Variants in SPAG11A observed in about 807,000 individuals in gnomAD.
SPAG11A encodes sperm-associated antigen 11A.
Under a neutral mutation model 5.5 loss-of-function variants are expected in SPAG11A, and 2 were observed. That is an observed-to-expected ratio of 0.37 (90% CI 0.15 to 1.15). The LOEUF is 1.15. SPAG11A is among the 50% of genes most tolerant of loss of function. SPAG11A has a pLI of 0.38. For missense variants in SPAG11A, 24 were observed against 122.5 expected (o/e 0.20, Z 3.80); for synonymous variants, 11 against 42.7 (o/e 0.26, Z 2.90).
intron 2 of SPAG11A, among the ~76,000 whole-genome samples, chr8:7,860,067 C>T (rs1190670400): frequency 6.6e-5 from 10 of 150,636 alleles, no homozygotes; most frequent in South Asian, 6.4e-4. Context: ...AGTCATCGTA[C>T]GTAGCATTTG....
rs202242784 is a variant in SPAG11A, at chr8:7,854,464, T to C, written c.214+5621T>C. 1.0e-3 allele frequency among the ~76,000 whole-genome samples: 155 copies of C among 148,082 alleles called. 4 individuals carry two copies. Among genetic ancestry groups the C allele is most frequent in the African/African-American group, 3.5e-3 (144 of 40,660 alleles). On this transcript the variant is annotated intron_variant, in intron 2 of 2. Transcript: ENST00000642566. ...ATAAAAATTTTATAAAAAGATGATA[T>C]GACATTTAAAGCATGTTACCCAGGG...
At chr8:7,852,854 C>CTTT (rs1274865147) in intron 2 of SPAG11A, among the ~76,000 whole-genome samples, 8 of 51,948 alleles carry the variant, frequency 1.5e-4, no homozygotes, top group African/African-American at 2.2e-4. Flanking sequence ...TAGAGCCCTT[C>CTTT]TATTTTTTTT....
intron 2 of SPAG11A, among the ~76,000 whole-genome samples, chr8:7,852,063 T>C (rs1052462298): frequency 7.7e-6 from 1 of 129,382 alleles, no homozygotes; most frequent in Non-Finnish European, 1.7e-5. Flanking sequence ...ATTTTCTCAG[T>C]TGCTTGATGT....
rs775206435 is a variant in SPAG11A, at chr8:7,860,606, A to G, written c.215-40A>G. The G allele has an allele frequency of 1.4e-6, 2 of 1,403,112 alleles. 1 individual carries two copies. Among genetic ancestry groups the G allele is most frequent in the East Asian group, 6.4e-5 (2 of 31,090 alleles). 86.9% of individuals were successfully genotyped at this position (1,403,112 alleles called of 1,614,324 possible). On this transcript the variant is annotated intron_variant, in intron 2 of 2. Transcript: ENST00000642566. ...GGGTTCATCTTCTATTCTCTGCACT[A>G]TATGAGTTAAATGTCAACTCTCTTC...
downstream of SPAG11A, among the ~76,000 whole-genome samples, chr8:7,861,511 A>G (rs1384901682): frequency 6.9e-6 from 1 of 145,600 alleles, no homozygotes. Context: ...TAAAAAACAT[A>G]TTTCTGTGCA....
chr8:7,863,036 C>G (rs1444466583), downstream of SPAG11A, among the ~76,000 whole-genome samples: 9 of 31,046 alleles, frequency 2.9e-4, no homozygotes, highest in African/African-American at 5.2e-4. Flanking sequence ...CATCCCTGTC[C>G]CCATCTGTAA....
At chr8:7,863,608 G>A, downstream of SPAG11A, 2 of 1,597,824 alleles carry the variant, frequency 1.3e-6, no homozygotes, top group East Asian at 2.3e-5. Flanking sequence ...AGGTGGATCG[G>A]CTTCAGAGGC....
intron 2 of SPAG11A, among the ~76,000 whole-genome samples, chr8:7,852,188 A>G (rs1261441161): frequency 6.6e-6 from 1 of 150,990 alleles, no homozygotes; most frequent in African/African-American, 2.4e-5. Flanking sequence ...TTAGTCCACC[A>G]TCTTGCAGAT....
chr8:7,862,221 G>C (rs534339046), downstream of SPAG11A: 1 of 237,850 alleles, frequency 4.2e-6, no homozygotes, highest in African/African-American at 3.0e-5. Flanking sequence ...AGGGCCACTG[G>C]GGGGCTGGAG....
intron 2 of SPAG11A, among the ~76,000 whole-genome samples, chr8:7,849,418 A>AC (rs1157415217): frequency 3.1e-5 from 4 of 129,340 alleles, no homozygotes; most frequent in Non-Finnish European, 5.0e-5. Context: ...CAGCCCCCAA[A>AC]CCCCTGGGCA....
intron 2 of SPAG11A, chr8:7,860,443 C>A: frequency 2.1e-6 from 3 of 1,419,250 alleles, no homozygotes; most frequent in Non-Finnish European, 2.9e-6. Flanking sequence ...ATAAAACACA[C>A]CCTATCATCC....
chr8:7,852,245 T>G (rs550582088), intron 2 of SPAG11A, among the ~76,000 whole-genome samples: 141 of 151,966 alleles, frequency 9.3e-4, no homozygotes, highest in African/African-American at 3.4e-3. Context: ...GCGTTTTTTC[T>G]TTTGTTTATT....
chr8:7,863,773 A>C (rs1372054249), downstream of SPAG11A: 1 of 589,856 alleles, frequency 1.7e-6, no homozygotes, highest in African/African-American at 1.9e-5. Flanking sequence ...GAGGACAAAT[A>C]AAAGTAGTGA....
rs1250655081 is a variant in SPAG11A at position 7,860,624 on chromosome 8, C to T, written c.215-22C>T. ...CTGCACTATATGAGTTAAATGTCAA[C>T]TCTCTTCTGTTGTATCCATAGGGGA... On this transcript the variant is annotated intron_variant, in intron 2 of 2. Coordinates refer to ENST00000642566, the Ensembl canonical transcript of SPAG11A. 39 of 1,414,734 alleles carry T rather than the reference C, an allele frequency of 2.8e-5. 4 individuals carry two copies. Among genetic ancestry groups the T allele is most frequent in the Non-Finnish European group, 3.5e-5 (37 of 1,046,828 alleles). The allele number at this position is 1,414,734 out of a possible 1,614,324, so 87.6% of individuals were successfully genotyped here. A position where few individuals can be genotyped will look rare whatever the true frequency, so the allele number is the denominator to read the frequency against.
chr8:7,861,384 T>C (rs201270336), downstream of SPAG11A, among the ~76,000 whole-genome samples: 167 of 147,500 alleles, frequency 1.1e-3, 4 homozygotes, highest in East Asian at 0.03. Flanking sequence ...AGGTCCATTT[T>C]AGGAATGAAA....
At chr8:7,852,561 G>T (rs540236628) in intron 2 of SPAG11A, among the ~76,000 whole-genome samples, 1 of 149,542 alleles carries the variant, frequency 6.7e-6, no homozygotes. Flanking sequence ...TCAAACTCCC[G>T]ACCTCAGGTG....
chr8:7,852,628 C>G (rs1304086335), intron 2 of SPAG11A, among the ~76,000 whole-genome samples: 1 of 152,116 alleles, frequency 6.6e-6, no homozygotes, highest in African/African-American at 2.4e-5. Context: ...CCACCGCGCC[C>G]GGCCAGGTTA....
downstream of SPAG11A, among the ~76,000 whole-genome samples, chr8:7,861,573 C>T (rs1327472715): frequency 1.1e-4 from 16 of 143,304 alleles, no homozygotes; most frequent in Non-Finnish European, 4.6e-5. Flanking sequence ...TGCTTAGCTG[C>T]CTTTTGCCTT....
chr8:7,860,639 T>C lies in SPAG11A; in HGVS notation c.215-7T>C, dbSNP rs1241346689. On this transcript the variant is annotated splice_region_variant and splice_polypyrimidine_tract_variant and intron_variant, in intron 2 of 2. Transcript: ENST00000642566. ...TAAATGTCAACTCTCTTCTGTTGTA[T>C]CCATAGGGGATGTTCCACTGGGAAT... 1 of 1,433,824 alleles carries C rather than the reference T, an allele frequency of 7.0e-7. No homozygotes were observed. Among genetic ancestry groups the C allele is most frequent in the African/African-American group, 1.4e-5 (1 of 71,312 alleles). 88.8% of individuals were successfully genotyped at this position (1,433,824 alleles called of 1,614,324 possible).
Sources: allele counts gnomAD v4.1 joint callset (sites outside exome capture counted in the v4.1 genomes callset), GRCh38; gene constraint gnomAD v4.1.1; transcripts MANE v1.5; gene names NCBI Gene and HGNC (gene_info 2026-07-23, HGNC 2026-07-21).